Variants in PCM1 observed in about 807,000 individuals in gnomAD.
The protein encoded by PCM1 is pericentriolar material 1 protein.
PCM1 carries 157 observed loss-of-function variants against 241.9 expected under a neutral mutation model. That is an observed-to-expected ratio of 0.65 (90% CI 0.57 to 0.74). The LOEUF is 0.74. PCM1 is among the 30% of genes least tolerant of loss of function. PCM1 has a pLI of 0.00. For synonymous variants in PCM1, 1,085 were observed against 784.9 expected (o/e 1.38, Z -6.39); for missense variants, 3,478 against 2,360.1 (o/e 1.47, Z -9.81).
At chr8:18,013,029 G>A in intron 34 of PCM1, among the ~76,000 whole-genome samples, 1 of 152,006 alleles carries the variant, frequency 6.6e-6, no homozygotes, top group African/African-American at 2.4e-5. Flanking sequence ...GGTTCTTTTG[G>A]GCTTCACTGC....
intron 6 of PCM1, among the ~76,000 whole-genome samples, chr8:17,940,520 G>A (rs759234142): frequency 6.6e-6 from 1 of 152,170 alleles, no homozygotes; most frequent in African/African-American, 2.4e-5. Context: ...TGATTACTTA[G>A]CATGTAGTCT....
At chr8:17,966,279 A>G in intron 19 of PCM1, 49 bp from the exon 20 acceptor site, 2 of 1,608,238 alleles carry the variant, frequency 1.2e-6, no homozygotes, top group Non-Finnish European at 1.7e-6. Context: ...AGCAATACAA[A>G]TTTTTCTCAA....
At chr8:17,978,257 G>C (rs909569375) in intron 23 of PCM1, among the ~76,000 whole-genome samples, 1 of 152,050 alleles carries the variant, frequency 6.6e-6, no homozygotes, top group Admixed American at 6.6e-5. Context: ...AAGACGATTA[G>C]AGACTTACAA....
intron 26 of PCM1, 58 bp downstream of exon 26, chr8:17,986,145 G>C: frequency 8.5e-7 from 1 of 1,180,962 alleles, no homozygotes; most frequent in Non-Finnish European, 1.2e-6. Context: ...GTAAATAAAA[G>C]TTAAATAGAT....
rs139113419 is a variant in PCM1, at chr8:17,970,722, C to T, written c.3584+974C>T. Among the ~76,000 whole-genome samples, 433 of 152,092 alleles carry T rather than the reference C, an allele frequency of 2.8e-3. 5 individuals are homozygous for T. Among genetic ancestry groups the T allele is most frequent in the African/African-American group, 9.9e-3 (411 of 41,484 alleles). ...TGAATAGACTTTCCTATTAGAATGT[C>T]CCTACTTCATTATTTTCATATAATT... is the stretch of plus-strand genomic sequence containing the variant. On this transcript the variant is annotated intron_variant, in intron 22 of 38. Coordinates refer to ENST00000325083, the MANE Select transcript of PCM1 (RefSeq NM_006197.4).
At chr8:18,026,828 C>G (rs1588893994) in intron 38 of PCM1, among the ~76,000 whole-genome samples, 1 of 152,218 alleles carries the variant, frequency 6.6e-6, no homozygotes, top group African/African-American at 2.4e-5. Context: ...TGCTTTCTTC[C>G]TGGTTCTCTG....
intron 29 of PCM1, among the ~76,000 whole-genome samples, chr8:18,003,428 C>G (rs2090267109): frequency 6.6e-6 from 1 of 152,158 alleles, no homozygotes; most frequent in Non-Finnish European, 1.5e-5. Flanking sequence ...GGCACATTGC[C>G]CACATTATGT....
At chr8:17,968,270 T>C (rs771191288) in intron 21 of PCM1, among the ~76,000 whole-genome samples, 2 of 152,140 alleles carry the variant, frequency 1.3e-5, no homozygotes, top group Non-Finnish European at 2.9e-5. Context: ...GATTTTATGA[T>C]GTGCAAACAA....
chr8:17,996,213 A>C (rs1046229869), intron 29 of PCM1, among the ~76,000 whole-genome samples: 1 of 152,158 alleles, frequency 6.6e-6, no homozygotes, highest in African/African-American at 2.4e-5. Context: ...TGTTTCTTCT[A>C]TACCCAGTTT....
At chr8:17,928,695 T>G (rs431961) in intron 2 of PCM1, among the ~76,000 whole-genome samples, 114,418 of 146,518 alleles carry the variant, frequency 0.78, 44,970 homozygotes, top group African/African-American at 0.84. Context: ...GCAATGGCAC[T>G]ATCTCCGCTC....
intron 36 of PCM1, among the ~76,000 whole-genome samples, chr8:18,022,056 C>G (rs1445174094): frequency 6.6e-6 from 1 of 152,104 alleles, no homozygotes; most frequent in African/African-American, 2.4e-5. Context: ...GCCCTTGAGC[C>G]TCATTGGAAA....
Position 17,955,475 on chromosome 8 carries a change from C to T in PCM1, c.1294C>T (p.Pro432Ser). ...TGTTGTTGTGCCTTCTTCAGCCTCTCCACAAAGGAGTGTCGATCAGAGAAG... is the reference window on the plus strand; with the variant it reads ...TGTTGTTGTGCCTTCTTCAGCCTCTTCACAAAGGAGTGTCGATCAGAGAAG... ...DQHLNNSSSS[P>S]QRSVDQRSTS... The change falls in exon 10 of 39, where the codon CCA (proline) becomes TCA (serine). Residue 432 changes from proline to serine, a missense_variant. Physicochemically the swap from Pro to Ser is moderately conservative, Grantham distance 74. Coordinates refer to ENST00000325083, the MANE Select transcript of PCM1 (RefSeq NM_006197.4). 6.2e-7 allele frequency: 1 copy of T among 1,601,696 alleles called. No individual in the cohort carries two copies. Among genetic ancestry groups the T allele is most frequent in the African/African-American group, 1.3e-5 (1 of 74,572 alleles).
chr8:17,939,250 C>T (rs1023485838), intron 5 of PCM1, among the ~76,000 whole-genome samples: 6 of 152,072 alleles, frequency 3.9e-5, no homozygotes, highest in Admixed American at 1.3e-4. Flanking sequence ...TACAAAATAG[C>T]ATATTGCCAG....
At chr8:17,952,854 A>G (rs1181289764) in intron 8 of PCM1, 116 bp from the exon 9 acceptor site, 3 of 674,638 alleles carry the variant, frequency 4.4e-6, no homozygotes, top group Admixed American at 5.9e-5. Flanking sequence ...ACCTACCAGC[A>G]CAGCCTAGCA....
At chr8:17,985,856 G>A in intron 25 of PCM1, 103 bp from the exon 26 acceptor site, 1 of 836,214 alleles carries the variant, frequency 1.2e-6, no homozygotes, top group Non-Finnish European at 1.8e-6. Flanking sequence ...GGTAGAAACA[G>A]TACATTTTTC....
At position 17,964,625 on chromosome 8, in the gene PCM1, A is replaced by C; in HGVS notation, c.2712A>C (p.Glu904Asp). ...GTGCACTAGATGAAGAAGGAGATGA[A>C]GACGGTTACCTTTCTGAAGGAATTG... is the stretch of plus-strand genomic sequence containing the variant. ...TQCALDEEGDEDGYLSEGIVR... is the reference protein window; with the variant it reads ...TQCALDEEGDDDGYLSEGIVR... The change falls in exon 18 of 39, where the codon GAA (glutamate) becomes GAC (aspartate). Residue 904 changes from glutamate to aspartate, a missense_variant. Coordinates refer to ENST00000325083, the MANE Select transcript of PCM1 (RefSeq NM_006197.4). The C allele has an allele frequency of 6.2e-7, 1 of 1,613,950 alleles. No homozygotes were observed. Among genetic ancestry groups the C allele is most frequent in the Non-Finnish European group, 8.5e-7 (1 of 1,179,868 alleles).
At position 17,953,199 on chromosome 8, in the gene PCM1, G is replaced by C; in HGVS notation, c.1288+13G>C. ...AACAATTCATCATGTGAGTAAATCT[G>C]GTTCAGCAGTATTGGGTATAAGACA... On this transcript the variant is annotated intron_variant, in intron 9 of 38. Coordinates refer to ENST00000325083, the MANE Select transcript of PCM1 (RefSeq NM_006197.4). 1 of 1,440,254 alleles carries C rather than the reference G, an allele frequency of 6.9e-7. No homozygotes were observed. The highest frequency in any genetic ancestry group is 1.2e-5 in the South Asian group (1 of 81,976). 89.2% of individuals were successfully genotyped at this position (1,440,254 alleles called of 1,614,324 possible). A position where few individuals can be genotyped will look rare whatever the true frequency, so the allele number is the denominator to read the frequency against.
At chr8:17,984,730 TA>T (rs2082043981) in intron 24 of PCM1, among the ~76,000 whole-genome samples, 1 of 151,996 alleles carries the variant, frequency 6.6e-6, no homozygotes, top group South Asian at 2.1e-4. Context: ...CCTTTGAGTG[TA>T]ATAATTTTGT....
chr8:17,955,732 C>A (rs1489851631), intron 10 of PCM1, 79 bp downstream of exon 10: 1 of 1,065,264 alleles, frequency 9.4e-7, no homozygotes. Context: ...GTTGAAAATT[C>A]TGCAAAACGA....
Sources: gnomAD v4.1 joint callset for allele counts (sites outside exome capture counted in the v4.1 genomes callset) on GRCh38, gnomAD v4.1.1 for gene constraint, MANE v1.5 for transcripts, NCBI Gene and HGNC (gene_info 2026-07-23, HGNC 2026-07-21) for gene names.